SPAG17: variants seen among roughly 807,000 people sequenced by gnomAD.
SPAG17 encodes sperm-associated antigen 17.
In SPAG17, 169 loss-of-function variants were observed where a neutral mutation model predicts 273.6. The observed-to-expected ratio is 0.62, with a 90% confidence interval of 0.55 to 0.70. SPAG17 has a LOEUF of 0.70. Among genes scored for constraint, SPAG17 ranks in the 30% least tolerant of loss-of-function variants. The pLI is 0.00. For synonymous variants in SPAG17, 825 were observed against 873.2 expected (o/e 0.94, Z 0.97); for missense variants, 2,557 against 2,627.8 (o/e 0.97, Z 0.59).
rs558133706 is a variant in SPAG17 at position 117,996,407 on chromosome 1, A to G, written c.5016T>C (p.Asn1672=). 8 of 1,612,962 alleles carry G rather than the reference A, an allele frequency of 5.0e-6. No individual in the cohort carries two copies. The highest frequency in any genetic ancestry group is 1.7e-4 in the Middle Eastern group (1 of 6,042). Residue 1672 remains asparagine, a synonymous_variant, in exon 34 of 49, where the codon AAT becomes AAC. Coordinates refer to ENST00000336338, the MANE Select transcript of SPAG17 (RefSeq NM_206996.4). ...EYLSLAYKES[N]TVVLQEPVQE... ...GCACTGGCTCTTGGAGAACAACAGT[A>G]TTTGATTCTTTATATGCCAAAGATA... is the stretch of plus-strand genomic sequence containing the variant.
intron 1 of SPAG17, among the ~76,000 whole-genome samples, chr1:118,160,004 A>T (rs928128892): frequency 3.9e-5 from 6 of 152,226 alleles, no homozygotes; most frequent in Non-Finnish European, 8.8e-5. Context: ...GGCAAACCTC[A>T]AAAGGAAACG....
intron 32 of SPAG17, among the ~76,000 whole-genome samples, chr1:118,004,479 G>A (rs763969805): frequency 1.3e-5 from 2 of 152,212 alleles, no homozygotes; most frequent in Admixed American, 6.5e-5. Flanking sequence ...CCCATTTCGA[G>A]CTTCCTGGCT....
chr1:118,047,437 A>T (rs1236090504), intron 20 of SPAG17, among the ~76,000 whole-genome samples: 1 of 151,448 alleles, frequency 6.6e-6, no homozygotes, highest in African/African-American at 2.4e-5. Context: ...GCCCCTGCAG[A>T]CTCAGGCTCT....
chr1:118,182,036 G>A (rs879798771), intron 1 of SPAG17, among the ~76,000 whole-genome samples: 7 of 152,120 alleles, frequency 4.6e-5, no homozygotes, highest in Non-Finnish European at 1.0e-4. Context: ...GACTCCAACA[G>A]ATTTTAGCAC....
intron 3 of SPAG17, among the ~76,000 whole-genome samples, chr1:118,132,232 G>A (rs1219118725): frequency 1.3e-5 from 2 of 152,180 alleles, no homozygotes; most frequent in Non-Finnish European, 2.9e-5. Context: ...ACTGAGGTCA[G>A]GTGGTATGAG....
chr1:118,047,664 T>C (rs1443656971), intron 20 of SPAG17, among the ~76,000 whole-genome samples: 2 of 152,108 alleles, frequency 1.3e-5, no homozygotes, highest in African/African-American at 4.8e-5. Context: ...CCAGCACCCA[T>C]GCTCTCCAGC....
At chr1:118,167,377 T>A (rs1660219310) in intron 1 of SPAG17, among the ~76,000 whole-genome samples, 1 of 152,140 alleles carries the variant, frequency 6.6e-6, no homozygotes, top group Non-Finnish European at 1.5e-5. Context: ...TTATAATGAT[T>A]TTTGTACAAT....
intron 4 of SPAG17, 121 bp downstream of exon 4, chr1:118,115,189 C>G: frequency 1.7e-6 from 2 of 1,147,446 alleles, no homozygotes; most frequent in Non-Finnish European, 2.5e-6. Context: ...AGGTGACAGC[C>G]AAATTTGCCA....
At chr1:118,038,037 G>A (rs1330713556) in intron 23 of SPAG17, among the ~76,000 whole-genome samples, 4 of 152,282 alleles carry the variant, frequency 2.6e-5, no homozygotes, top group Admixed American at 6.5e-5. Flanking sequence ...AAAGACATCT[G>A]TTAAAGGACT....
chr1:118,101,618 T>A, intron 5 of SPAG17, 122 bp downstream of exon 5: 1 of 919,708 alleles, frequency 1.1e-6, no homozygotes, highest in Non-Finnish European at 1.7e-6. Flanking sequence ...GCAAAATGAT[T>A]GTGGGGGAAT....
chr1:118,103,843 G>GTGTGTGTGTGTGTT (rs1422908407), intron 4 of SPAG17, among the ~76,000 whole-genome samples: 2 of 150,050 alleles, frequency 1.3e-5, no homozygotes, highest in Admixed American at 1.3e-4. Context: ...AAAATGTAGT[G>GTGTGTGTGTGTGTT]TGTGTGTGTG....
At chr1:118,093,683 C>T (rs1177801239) in intron 7 of SPAG17, among the ~76,000 whole-genome samples, 5 of 152,174 alleles carry the variant, frequency 3.3e-5, no homozygotes, top group Non-Finnish European at 7.3e-5. Context: ...TATCCTCAGC[C>T]AGTGACAAGC....
At chr1:118,108,777 G>A (rs1331464105) in intron 4 of SPAG17, among the ~76,000 whole-genome samples, 3 of 151,794 alleles carry the variant, frequency 2.0e-5, no homozygotes, top group Admixed American at 6.6e-5. Context: ...CTTTGGATAG[G>A]CACAGAGATT....
chr1:118,139,200 A>G (rs545466013), intron 3 of SPAG17, among the ~76,000 whole-genome samples: 82 of 152,332 alleles, frequency 5.4e-4, no homozygotes, highest in Non-Finnish European at 3.7e-4. Flanking sequence ...TAGACAACAG[A>G]TATATGAACA....
Position 118,153,508 on chromosome 1 carries a change from A to G in SPAG17, c.88-2139T>C, listed in dbSNP as rs148804900. 6.3e-3 allele frequency among the ~76,000 whole-genome samples: 954 copies of G among 152,338 alleles called. 8 individuals carry two copies. The highest frequency in any genetic ancestry group is 0.022 in the African/African-American group (919 of 41,574). Reference sequence around the variant, plus strand: ...ACTATTTGGCCATAATAAAACTATCAGGGAAATATTTATCTCAAATGTATA... The same window carrying G: ...ACTATTTGGCCATAATAAAACTATCGGGGAAATATTTATCTCAAATGTATA... On this transcript the variant is annotated intron_variant, in intron 1 of 48. Transcript: ENST00000336338.
At chr1:118,169,467 T>C (rs1040463033) in intron 1 of SPAG17, among the ~76,000 whole-genome samples, 1 of 152,246 alleles carries the variant, frequency 6.6e-6, no homozygotes, top group Non-Finnish European at 1.5e-5. Context: ...CTTCAGCTCA[T>C]ATTATGAGTA....
Position 118,055,862 on chromosome 1 carries a change from C to T in SPAG17, c.2593G>A (p.Glu865Lys). Residue 865 changes from glutamate to lysine, a missense_variant, in exon 19 of 49, where the codon GAA (glutamate) becomes AAA (lysine). Physicochemically the swap from Glu to Lys is moderately conservative, Grantham distance 56. Coordinates refer to ENST00000336338, the MANE Select transcript of SPAG17 (RefSeq NM_206996.4). The stretch of plus-strand genomic sequence containing the variant: ...ATTTTAGATTCCTGATATATAGCTT[C>T]TTCTTTTGTAATCCAATCTTGAATA... ...KSIQDWITKE[E>K]AIYQESKMNE... 1 of 1,612,200 alleles carries T rather than the reference C, an allele frequency of 6.2e-7. No individual in the cohort carries two copies. Among genetic ancestry groups the T allele is most frequent in the Non-Finnish European group, 8.5e-7 (1 of 1,179,424 alleles).
chr1:118,110,166 G>T (rs1262330736), intron 4 of SPAG17, among the ~76,000 whole-genome samples: 1 of 152,086 alleles, frequency 6.6e-6, no homozygotes, highest in African/African-American at 2.4e-5. Context: ...AAAAGAAATT[G>T]AAATAACTTA....
intron 3 of SPAG17, among the ~76,000 whole-genome samples, chr1:118,128,924 C>G (rs745404652): frequency 6.6e-6 from 1 of 152,204 alleles, no homozygotes; most frequent in Non-Finnish European, 1.5e-5. Context: ...TCCTAACCCC[C>G]CTTGTCCATG....
Sources: allele counts gnomAD v4.1 joint callset (sites outside exome capture counted in the v4.1 genomes callset), GRCh38; gene constraint gnomAD v4.1.1; transcripts MANE v1.5; gene names NCBI Gene and HGNC (gene_info 2026-07-23, HGNC 2026-07-21).